Variants in PPP2R2B observed in about 807,000 individuals in gnomAD.
PPP2R2B encodes protein phosphatase 2 regulatory subunit Bbeta.
In PPP2R2B, 5 loss-of-function variants were observed where a neutral mutation model predicts 46.0. The ratio of observed to expected loss-of-function variants is 0.11; its 90% CI spans 0.06 to 0.23. PPP2R2B has a LOEUF of 0.23. Ranked by LOEUF, PPP2R2B falls within the 10% of genes least tolerant of loss-of-function variation. PPP2R2B has a pLI of 1.00. For missense variants in PPP2R2B, 367 were observed against 575.0 expected (o/e 0.64, Z 3.70); for synonymous variants, 215 against 206.7 (o/e 1.04, Z -0.34).
At position 146,887,669 on chromosome 5, in the gene PPP2R2B, T is replaced by C. The variant is rs552738683; in HGVS notation, c.79+167996A>G. 2.6e-5 allele frequency among the ~76,000 whole-genome samples: 4 copies of C among 152,340 alleles called. No homozygotes were observed. In the South Asian group the frequency reaches 8.3e-4, roughly 32 times the overall value. On this transcript the variant is annotated intron_variant, in intron 1 of 8. Transcript: ENST00000336640. ...ATATATAATTCCATCACTGTTATAG[T>C]TACCATCCTAATAGGTCAACCATTT...
intron 2 of PPP2R2B, among the ~76,000 whole-genome samples, chr5:146,795,942 C>A (rs530397082): frequency 1.3e-5 from 2 of 152,268 alleles, no homozygotes; most frequent in Admixed American, 1.3e-4. Flanking sequence ...TATCTATGCA[C>A]ATTTTTATCT....
intron 1 of PPP2R2B, among the ~76,000 whole-genome samples, chr5:146,904,158 T>G (rs1436198819): frequency 6.6e-6 from 1 of 152,092 alleles, no homozygotes; most frequent in Non-Finnish European, 1.5e-5. Flanking sequence ...ACCAAAGTAT[T>G]GTATTTGTTC....
At chr5:146,686,495 C>G in intron 5 of PPP2R2B, among the ~76,000 whole-genome samples, 1 of 152,052 alleles carries the variant, frequency 6.6e-6, no homozygotes, top group East Asian at 1.9e-4. Context: ...ATTATGAGGA[C>G]TATGTGATAT....
chr5:147,036,298 G>C (rs1289526636), intron 1 of PPP2R2B, among the ~76,000 whole-genome samples: 1 of 152,124 alleles, frequency 6.6e-6, no homozygotes. Flanking sequence ...AGTTTGCCAA[G>C]GATAATGGCC....
At chr5:146,868,016 T>C (rs935527141) in intron 2 of PPP2R2B, among the ~76,000 whole-genome samples, 22 of 152,238 alleles carry the variant, frequency 1.4e-4, no homozygotes, top group African/African-American at 5.1e-4. Flanking sequence ...TGTCAGATCA[T>C]GTCATTGAGA....
At chr5:146,640,498 G>A (rs907511206) in intron 6 of PPP2R2B, among the ~76,000 whole-genome samples, 1 of 152,228 alleles carries the variant, frequency 6.6e-6, no homozygotes, top group Admixed American at 6.5e-5. Flanking sequence ...TTATGGCCAT[G>A]ACGTGGCGTT....
At chr5:146,865,877 C>T (rs1039081938) in intron 2 of PPP2R2B, among the ~76,000 whole-genome samples, 2 of 152,186 alleles carry the variant, frequency 1.3e-5, no homozygotes, top group Non-Finnish European at 2.9e-5. Flanking sequence ...TACCAAGGCC[C>T]CACCTCCCCA....
chr5:146,979,215 T>C (rs1753053119), intron 1 of PPP2R2B, among the ~76,000 whole-genome samples: 1 of 152,190 alleles, frequency 6.6e-6, no homozygotes, highest in African/African-American at 2.4e-5. Flanking sequence ...CTTGCTTTTT[T>C]ACCTTCTTAA....
intron 6 of PPP2R2B, among the ~76,000 whole-genome samples, chr5:146,647,301 A>G (rs545560473): frequency 1.6e-5 from 1 of 61,082 alleles, no homozygotes; most frequent in Non-Finnish European, 3.9e-5. Flanking sequence ...TCTATCCTGA[A>G]CCATGTTTCT....
chr5:146,979,770 CAAT>C (rs1235921141), intron 1 of PPP2R2B, among the ~76,000 whole-genome samples: 1 of 152,072 alleles, frequency 6.6e-6, no homozygotes, highest in Non-Finnish European at 1.5e-5. Context: ...AGATTAACAA[CAAT>C]AACTCATAAA....
At chr5:146,958,673 A>G (rs1752030235) in intron 1 of PPP2R2B, among the ~76,000 whole-genome samples, 1 of 152,228 alleles carries the variant, frequency 6.6e-6, no homozygotes, top group Admixed American at 6.5e-5. Flanking sequence ...TACGTAGTTA[A>G]TAAATACTAG....
At chr5:146,782,978 G>C (rs1475346106) in intron 2 of PPP2R2B, among the ~76,000 whole-genome samples, 1 of 152,082 alleles carries the variant, frequency 6.6e-6, no homozygotes, top group Non-Finnish European at 1.5e-5. Flanking sequence ...CCTTTAACCT[G>C]CTATCACATA....
intron 1 of PPP2R2B, among the ~76,000 whole-genome samples, chr5:147,016,433 G>C (rs1016527495): frequency 1.3e-5 from 2 of 151,238 alleles, no homozygotes; most frequent in Admixed American, 6.6e-5. Context: ...GACGTTGTTA[G>C]CATAGAATTT....
At chr5:146,671,083 T>C (rs960880305) in intron 5 of PPP2R2B, among the ~76,000 whole-genome samples, 1 of 152,114 alleles carries the variant, frequency 6.6e-6, no homozygotes, top group African/African-American at 2.4e-5. Context: ...CTTGATGTCA[T>C]CAGAATAATT....
chr5:146,876,851 ATG>A (rs1024793619), intron 2 of PPP2R2B, among the ~76,000 whole-genome samples: 2 of 152,174 alleles, frequency 1.3e-5, no homozygotes, highest in South Asian at 2.1e-4. Flanking sequence ...TTACCCCCAG[ATG>A]TGTGTGTGTC....
At chr5:146,880,747 T>C (rs559489633), upstream of PPP2R2B, among the ~76,000 whole-genome samples, 3 of 152,310 alleles carry the variant, frequency 2.0e-5, no homozygotes, top group African/African-American at 7.2e-5. Flanking sequence ...AGAATGTCCC[T>C]TCCACAGATC....
chr5:146,606,537 G>A (rs1197254165), intron 7 of PPP2R2B, among the ~76,000 whole-genome samples: 1 of 152,176 alleles, frequency 6.6e-6, no homozygotes, highest in South Asian at 2.1e-4. Context: ...GAGAATAGAC[G>A]AGATCTTGCT....
At chr5:146,910,755 CTTTT>C (rs1561512192) in intron 1 of PPP2R2B, among the ~76,000 whole-genome samples, 1 of 152,044 alleles carries the variant, frequency 6.6e-6, no homozygotes, top group Admixed American at 6.6e-5. Flanking sequence ...AAGTTTCTTA[CTTTT>C]TTAAGAAAAT....
chr5:146,655,310 T>A (rs539893166), intron 5 of PPP2R2B, among the ~76,000 whole-genome samples: 1 of 152,252 alleles, frequency 6.6e-6, no homozygotes, highest in Admixed American at 6.5e-5. Flanking sequence ...CAGAGATATA[T>A]TTCAGTTGTA....
Sources: gnomAD v4.1 joint callset for allele counts (sites outside exome capture counted in the v4.1 genomes callset) on GRCh38, gnomAD v4.1.1 for gene constraint, MANE v1.5 for transcripts, NCBI Gene and HGNC (gene_info 2026-07-23, HGNC 2026-07-21) for gene names.